Variants in BLTP1 observed in about 807,000 individuals in gnomAD.
The protein encoded by BLTP1 is bridge-like lipid transfer protein family member 1.
At chr4:122,240,086 G>A in the BLTP1 span, 10 of 1,614,000 alleles carry the variant, frequency 6.2e-6, no homozygotes, top group Middle Eastern at 1.6e-4. Context: ...TTGTTTCTGC[G>A]TTAGGTGGAG....
At chr4:122,327,169 C>T in the BLTP1 span, among the ~76,000 whole-genome samples, 1 of 151,272 alleles carries the variant, frequency 6.6e-6, no homozygotes, top group South Asian at 2.1e-4. Context: ...CTGGTGAAAT[C>T]CTGAGTTAGT....
At chr4:122,186,059 T>C in the BLTP1 span, 2 of 1,600,188 alleles carry the variant, frequency 1.2e-6, no homozygotes, top group African/African-American at 2.7e-5. Context: ...AACCAGGTTA[T>C]ACATCACAGT....
chr4:122,282,932 C>T, the BLTP1 span, among the ~76,000 whole-genome samples: 15 of 151,454 alleles, frequency 9.9e-5, no homozygotes, highest in South Asian at 2.1e-4. Context: ...TTTCTTGATT[C>T]GCAATAATTC....
At chr4:122,318,381 T>A in the BLTP1 span, 1 of 823,774 alleles carries the variant, frequency 1.2e-6, no homozygotes, top group Non-Finnish European at 2.0e-6. Flanking sequence ...AATCACCCAT[T>A]AAATCCTAAC....
At chr4:122,238,239 C>T in the BLTP1 span, 1 of 1,613,786 alleles carries the variant, frequency 6.2e-7, no homozygotes, top group Middle Eastern at 1.7e-4. Context: ...AGTTCTAGTG[C>T]TGCACAGCCT....
At chr4:122,332,700 A>G in the BLTP1 span, among the ~76,000 whole-genome samples, 1 of 142,180 alleles carries the variant, frequency 7.0e-6, no homozygotes, top group South Asian at 2.3e-4. Context: ...TTACATATGT[A>G]TACATGTGCC....
At chr4:122,210,095 C>T in the BLTP1 span, 3 of 867,184 alleles carry the variant, frequency 3.5e-6, no homozygotes, top group South Asian at 1.1e-4. Flanking sequence ...TACTTTGTGT[C>T]AAATGTTGGG....
At chr4:122,245,184 A>G in the BLTP1 span, 6 of 1,512,054 alleles carry the variant, frequency 4.0e-6, no homozygotes, top group Non-Finnish European at 5.5e-6. Flanking sequence ...TTGAATATTT[A>G]TCATGGTTAC....
chr4:122,355,411 A>G, the BLTP1 span, among the ~76,000 whole-genome samples: 5 of 151,868 alleles, frequency 3.3e-5, no homozygotes, highest in Non-Finnish European at 5.9e-5. Context: ...TGAAATTCCA[A>G]CTTCAGACAT....
chr4:122,181,703 G>A, the BLTP1 span, among the ~76,000 whole-genome samples: 4 of 151,532 alleles, frequency 2.6e-5, no homozygotes, highest in African/African-American at 9.7e-5. Context: ...ATGGTAGACC[G>A]ATAATGTACT....
the BLTP1 span, among the ~76,000 whole-genome samples, chr4:122,259,355 G>A: frequency 6.6e-6 from 1 of 152,160 alleles, no homozygotes; most frequent in African/African-American, 2.4e-5. Flanking sequence ...TTAACTGTAC[G>A]TCAGTTTCCT....
the BLTP1 span, chr4:122,204,804 A>G: frequency 1.3e-6 from 1 of 779,620 alleles, no homozygotes; most frequent in East Asian, 1.3e-4. Flanking sequence ...GGATAGAGTC[A>G]GCCTAGTTAG....
the BLTP1 span, chr4:122,325,864 A>G: frequency 8.7e-7 from 1 of 1,149,638 alleles, no homozygotes; most frequent in Non-Finnish European, 1.1e-6. Context: ...GTTGAAAAAT[A>G]CAGTATGGGG....
the BLTP1 span, among the ~76,000 whole-genome samples, chr4:122,269,895 G>A: frequency 5.3e-5 from 8 of 152,114 alleles, no homozygotes; most frequent in African/African-American, 1.9e-4. Flanking sequence ...CAGTGCCCAT[G>A]TCAGGCTTTT....
the BLTP1 span, among the ~76,000 whole-genome samples, chr4:122,179,115 T>C: frequency 6.6e-6 from 1 of 151,946 alleles, no homozygotes; most frequent in East Asian, 1.9e-4. Context: ...CATGTCTCTA[T>C]AAAAATTTTA....
chr4:122,244,135 T>C, the BLTP1 span: 36 of 1,140,540 alleles, frequency 3.2e-5, 1 homozygote, highest in Admixed American at 1.0e-3. Context: ...TAGTTATAAG[T>C]ATATGTGATA....
the BLTP1 span, chr4:122,255,189 G>A: frequency 1.2e-5 from 19 of 1,611,810 alleles, no homozygotes; most frequent in Non-Finnish European, 1.4e-5. Flanking sequence ...AAAGTTGCTC[G>A]CTTTCTCCAA....
the BLTP1 span, chr4:122,259,869 A>G: frequency 1.7e-4 from 152 of 912,128 alleles, 1 homozygote; most frequent in African/African-American, 2.6e-3. Flanking sequence ...AAAAAAAAAA[A>G]ATTTTAACTT....
the BLTP1 span, chr4:122,187,031 G>A: frequency 1.0e-6 from 1 of 985,080 alleles, no homozygotes; most frequent in Non-Finnish European, 1.2e-6. Context: ...TAAAACAGTA[G>A]ACAAACATCA....
Sources: gnomAD v4.1 joint callset for allele counts (sites outside exome capture counted in the v4.1 genomes callset) on GRCh38, gnomAD v4.1.1 for gene constraint, MANE v1.5 for transcripts, NCBI Gene and HGNC (gene_info 2026-07-23, HGNC 2026-07-21) for gene names.